TSHZ2: variants seen among roughly 807,000 people sequenced by gnomAD.
The protein encoded by TSHZ2 is teashirt homolog 2.
Under a neutral mutation model 74.4 loss-of-function variants are expected in TSHZ2, and 21 were observed. The ratio of observed to expected loss-of-function variants is 0.28; its 90% CI spans 0.20 to 0.41. The LOEUF (loss-of-function observed/expected upper bound fraction) is 0.41, where lower values mean the gene tolerates loss of function less well. Ranked by LOEUF, TSHZ2 falls within the 10% of genes least tolerant of loss-of-function variation. TSHZ2 has a pLI of 1.00. For synonymous variants in TSHZ2, 540 were observed against 515.3 expected, an observed-to-expected ratio of 1.05 and a Z score of -0.65; for missense variants, 1,244 against 1,293.5, an observed-to-expected ratio of 0.96 and a Z score of 0.59.
rs1990430308 is a variant in TSHZ2, at chr20:53,254,905, G to A, written c.1447G>A (p.Asp483Asn). 3.1e-6 allele frequency: 5 copies of A among 1,614,022 alleles called. No homozygotes were observed. In the Admixed American group the frequency reaches 5.0e-5, roughly 16 times the overall value. Residue 483 changes from aspartate to asparagine, a missense_variant, in exon 2 of 3, where the codon GAC (aspartate) becomes AAC (asparagine). Physicochemically the swap from Asp to Asn is conservative, Grantham distance 23. Transcript: ENST00000371497. ...SKDEKVVKSE[D>N]YEDPLQKPLD... ...GGATGAGAAAGTCGTGAAAAGCGAGGACTATGAAGATCCTCTACAAAAACC... is the reference window on the plus strand; with the variant it reads ...GGATGAGAAAGTCGTGAAAAGCGAGAACTATGAAGATCCTCTACAAAAACC...
At position 53,223,041 on chromosome 20, in the gene TSHZ2, T is replaced by C. The variant is rs189996317; in HGVS notation, c.41-30458T>C. 2.1e-4 allele frequency among the ~76,000 whole-genome samples: 32 copies of C among 152,280 alleles called. 1 individual carries two copies. The East Asian group carries it at 5.6e-3, about 27-fold the overall frequency. On this transcript the variant is annotated intron_variant, in intron 1 of 2. Transcript: ENST00000371497. Reference sequence around the variant, plus strand: ...TCATTCGAACAAGCCACCTTTTAAGTGTTCAGTATCTACAGGAGGCTGGTG... The same window carrying C: ...TCATTCGAACAAGCCACCTTTTAAGCGTTCAGTATCTACAGGAGGCTGGTG...
intron 2 of TSHZ2, among the ~76,000 whole-genome samples, chr20:53,472,769 G>C (rs6068557): frequency 0.76 from 112,915 of 148,808 alleles, 44,138 homozygotes; most frequent in African/African-American, 0.93. Context: ...CTAGGGAGTG[G>C]CAGACAGTGG....
intron 2 of TSHZ2, among the ~76,000 whole-genome samples, chr20:53,422,199 A>G (rs907641131): frequency 3.3e-5 from 5 of 152,220 alleles, no homozygotes; most frequent in Non-Finnish European, 7.3e-5. Flanking sequence ...CATATCCACA[A>G]AGCAAGCCAA....
rs546500355 is a variant in TSHZ2, at chr20:53,044,663, C to A, written c.40+71330C>A. ...TTGGACCCCAGCCCCAGTTCCCCAACCTTTAAGGATGCAGACAGTGCTGCT... is the reference window on the plus strand; with the variant it reads ...TTGGACCCCAGCCCCAGTTCCCCAAACTTTAAGGATGCAGACAGTGCTGCT... On this transcript the variant is annotated intron_variant, in intron 1 of 2. Transcript: ENST00000371497. Among the ~76,000 whole-genome samples, 6 of 152,272 alleles carry A rather than the reference C, an allele frequency of 3.9e-5. No homozygotes were observed. The South Asian group carries it at 6.2e-4, about 16-fold the overall frequency.
chr20:53,290,871 T>G lies in TSHZ2; in HGVS notation c.*8+34300T>G, dbSNP rs564296403. Among the ~76,000 whole-genome samples, 9 of 152,294 alleles carry G rather than the reference T, an allele frequency of 5.9e-5. No individual in the cohort carries two copies. The East Asian group carries it at 1.7e-3, about 29-fold the overall frequency. The stretch of plus-strand genomic sequence containing the variant: ...CTACCACCTGTTTCTGTAAATAAAG[T>G]TTTTTTGGAAACAGCCTTGCCATTT... On this transcript the variant is annotated intron_variant, in intron 2 of 2. Coordinates refer to ENST00000371497, the MANE Select transcript of TSHZ2 (RefSeq NM_173485.6).
chr20:53,470,720 A>T (rs1480189158), intron 2 of TSHZ2, among the ~76,000 whole-genome samples: 1 of 152,152 alleles, frequency 6.6e-6, no homozygotes, highest in African/African-American at 2.4e-5. Context: ...AGGCTAAGAC[A>T]GAGAATCGCT....
At chr20:53,238,215 C>T (rs568579235) in intron 1 of TSHZ2, among the ~76,000 whole-genome samples, 1 of 152,246 alleles carries the variant, frequency 6.6e-6, no homozygotes, top group Admixed American at 6.5e-5. Context: ...TTCTTTGATT[C>T]AAAGTATGTA....
intron 1 of TSHZ2, among the ~76,000 whole-genome samples, chr20:53,143,614 C>G (rs1033711153): frequency 3.9e-5 from 6 of 152,124 alleles, no homozygotes; most frequent in Non-Finnish European, 8.8e-5. Context: ...ATGGCGTGAA[C>G]ACGGGAGGAA....
chr20:53,193,545 A>G (rs1263115314), intron 1 of TSHZ2, among the ~76,000 whole-genome samples: 3 of 152,084 alleles, frequency 2.0e-5, no homozygotes, highest in Non-Finnish European at 4.4e-5. Context: ...CTGGAACCAG[A>G]TCTGTCTCGT....
At chr20:53,144,746 G>A (rs1039826498) in intron 1 of TSHZ2, among the ~76,000 whole-genome samples, 3 of 151,964 alleles carry the variant, frequency 2.0e-5, no homozygotes, top group Non-Finnish European at 4.4e-5. Flanking sequence ...TATATACTAT[G>A]TTCCTCGTAC....
At chr20:53,031,518 A>C (rs778204073) in intron 1 of TSHZ2, among the ~76,000 whole-genome samples, 3 of 152,210 alleles carry the variant, frequency 2.0e-5, no homozygotes, top group Non-Finnish European at 4.4e-5. Context: ...GTCTGGGTTT[A>C]TAGAGAAAGG....
intron 1 of TSHZ2, among the ~76,000 whole-genome samples, chr20:53,209,534 G>A (rs376325706): frequency 6.6e-6 from 1 of 152,202 alleles, no homozygotes; most frequent in Non-Finnish European, 1.5e-5. Context: ...TAGAGGTCTA[G>A]TTAAATGAAT....
chr20:53,285,391 T>C (rs1991145392), intron 2 of TSHZ2, among the ~76,000 whole-genome samples: 1 of 152,148 alleles, frequency 6.6e-6, no homozygotes, highest in Non-Finnish European at 1.5e-5. Flanking sequence ...ATGAAATTTT[T>C]TTGCAGATGT....
At chr20:53,461,660 A>G (rs1452103267) in intron 2 of TSHZ2, 1 of 152,188 alleles carries the variant, frequency 6.6e-6, no homozygotes, top group African/African-American at 2.4e-5. Context: ...GAAGTTCCAA[A>G]AAGACTCTCT....
chr20:53,149,151 T>C (rs1369169601), intron 1 of TSHZ2, among the ~76,000 whole-genome samples: 1 of 151,924 alleles, frequency 6.6e-6, no homozygotes, highest in African/African-American at 2.4e-5. Flanking sequence ...AGCAGGATCC[T>C]GACAATGTAC....
chr20:53,166,577 CCT>C (rs1195488381), intron 1 of TSHZ2, among the ~76,000 whole-genome samples: 2 of 152,016 alleles, frequency 1.3e-5, no homozygotes, highest in African/African-American at 2.4e-5. Context: ...TCAAGACCAG[CCT>C]GGCCAACATG....
At chr20:53,310,149 A>G (rs575769595) in intron 2 of TSHZ2, among the ~76,000 whole-genome samples, 1 of 152,350 alleles carries the variant, frequency 6.6e-6, no homozygotes, top group East Asian at 1.9e-4. Flanking sequence ...TAAAGACTAA[A>G]TTGCCTTTGC....
chr20:53,370,446 T>C (rs914672570), intron 2 of TSHZ2, among the ~76,000 whole-genome samples: 1 of 152,176 alleles, frequency 6.6e-6, no homozygotes, highest in African/African-American at 2.4e-5. Context: ...CGTTCATAAA[T>C]ATTAGCAACC....
intron 2 of TSHZ2, among the ~76,000 whole-genome samples, chr20:53,266,525 TAAG>T (rs1378745628): frequency 6.6e-6 from 1 of 152,116 alleles, no homozygotes; most frequent in Non-Finnish European, 1.5e-5. Flanking sequence ...TCACCTCAAA[TAAG>T]AAACCAATTA....
Sources: allele counts gnomAD v4.1 joint callset (sites outside exome capture counted in the v4.1 genomes callset), GRCh38; gene constraint gnomAD v4.1.1; transcripts MANE v1.5; gene names NCBI Gene and HGNC (gene_info 2026-07-23, HGNC 2026-07-21).